The following SRSF4 variants were observed in gnomAD, a reference collection of about 807,000 sequenced individuals.
The protein encoded by SRSF4 is serine/arginine-rich splicing factor 4.
Under a neutral mutation model 48.8 loss-of-function variants are expected in SRSF4, and 12 were observed. The ratio of observed to expected loss-of-function variants is 0.25; its 90% CI spans 0.16 to 0.40. The LOEUF is 0.40. Among genes scored for constraint, SRSF4 ranks in the 10% least tolerant of loss-of-function variants. The probability of loss-of-function intolerance (pLI) is 1.00; values close to 1 mark genes in which losing one functional copy is unlikely to be tolerated. For synonymous variants in SRSF4, 248 were observed against 232.5 expected (o/e 1.07, Z -0.61); for missense variants, 466 against 667.1 (o/e 0.70, Z 3.32).
chr1:29,181,775 G>A lies in SRSF4; in HGVS notation c.-23C>T. 1 of 1,551,404 alleles carries A rather than the reference G, an allele frequency of 6.4e-7. No homozygotes were observed. The highest frequency in any genetic ancestry group is 2.6e-5 in the East Asian group (1 of 38,198). ...CATCCCGGCAACGGCAGTGATGGCT[G>A]GCCCCGGCCCCAGCCCCCCTTAGGC... On this transcript the variant is annotated 5_prime_UTR_variant, in exon 1 of 6. Transcript: ENST00000373795.
chr1:29,150,184 G>T lies in SRSF4; in HGVS notation c.587C>A (p.Ser196Tyr), dbSNP rs765133104. ...SRSRSHSRSR[S>Y]RSRHSRKSRS... The stretch of plus-strand genomic sequence containing the variant: ...GCTCTTACGGGAATGTCTGCTTCGA[G>T]AGCGAGACCTAGGGGGAGAAAATAT... Residue 196 changes from serine to tyrosine, a missense_variant, in exon 5 of 6, where the codon TCT (serine) becomes TAT (tyrosine). This residue lies in a region of SRSF4 where 402 missense variants were observed against 437.0 expected (regional missense o/e 0.92). Transcript: ENST00000373795. The T allele has an allele frequency of 6.2e-7, 1 of 1,613,850 alleles. No homozygotes were observed. Among genetic ancestry groups the T allele is most frequent in the South Asian group, 1.1e-5 (1 of 91,074 alleles).
chr1:29,177,515 T>C (rs1435849079), intron 1 of SRSF4, among the ~76,000 whole-genome samples: 1 of 152,086 alleles, frequency 6.6e-6, no homozygotes, highest in Non-Finnish European at 1.5e-5. Context: ...CTTATGACCT[T>C]GGGTGATCTG....
rs549906339 is a variant in SRSF4 at position 29,177,889 on chromosome 1, C to T, written c.107+3757G>A. 8.2e-4 allele frequency among the ~76,000 whole-genome samples: 115 copies of T among 140,240 alleles called. 1 individual carries two copies. Among genetic ancestry groups the T allele is most frequent in the Non-Finnish European group, 1.2e-4 (8 of 65,022 alleles). The allele number at this position is 140,240 out of a possible 152,430, so 92.0% of individuals were successfully genotyped here. ...CTTATTTGGTCATCTTCCTATTACACAAGATTTTTTTTTTTTTTTTTTTTT... is the reference window on the plus strand; with the variant it reads ...CTTATTTGGTCATCTTCCTATTACATAAGATTTTTTTTTTTTTTTTTTTTT... On this transcript the variant is annotated intron_variant, in intron 1 of 5. Transcript: ENST00000373795.
At chr1:29,178,447 C>A (rs1339571016) in intron 1 of SRSF4, among the ~76,000 whole-genome samples, 2 of 151,454 alleles carry the variant, frequency 1.3e-5, no homozygotes, top group African/African-American at 4.9e-5. Context: ...AGGTTCACGC[C>A]ATTCTCCTGC....
chr1:29,171,739 A>G (rs1672747403), intron 1 of SRSF4: 1 of 152,176 alleles, frequency 6.6e-6, no homozygotes, highest in Non-Finnish European at 1.5e-5. Context: ...GCATAAAAAA[A>G]TACTAGAAAC....
chr1:29,161,159 T>C (rs1475175907), intron 1 of SRSF4, among the ~76,000 whole-genome samples: 2 of 152,208 alleles, frequency 1.3e-5, no homozygotes, highest in African/African-American at 2.4e-5. Context: ...TTAAATGGTA[T>C]TGCTACATCT....
At chr1:29,159,282 AT>A in intron 3 of SRSF4, 91 bp downstream of exon 3, 1 of 784,068 alleles carries the variant, frequency 1.3e-6, no homozygotes. Context: ...ATAACACTGT[AT>A]TTTGTGTATG....
At chr1:29,165,558 T>C (rs779675855) in intron 1 of SRSF4, among the ~76,000 whole-genome samples, 25 of 152,240 alleles carry the variant, frequency 1.6e-4, no homozygotes, top group Admixed American at 3.3e-4. Context: ...TATGTTCTAC[T>C]GAATAGGATT....
chr1:29,173,862 T>A (rs972087338), intron 1 of SRSF4, among the ~76,000 whole-genome samples: 1 of 151,780 alleles, frequency 6.6e-6, no homozygotes, highest in Non-Finnish European at 1.5e-5. Context: ...AAAATTAGTT[T>A]AAAAAATTAT....
chr1:29,179,998 A>C (rs1672930147), intron 1 of SRSF4, among the ~76,000 whole-genome samples: 1 of 152,244 alleles, frequency 6.6e-6, no homozygotes, highest in South Asian at 2.1e-4. Context: ...GCTTTATGTT[A>C]TCAAACACCA....
intron 3 of SRSF4, among the ~76,000 whole-genome samples, chr1:29,158,772 C>CT (rs1231520395): frequency 6.6e-6 from 1 of 152,156 alleles, no homozygotes; most frequent in Non-Finnish European, 1.5e-5. Context: ...GACAACCAAT[C>CT]TCTGAGCCAT....
chr1:29,169,675 A>T (rs983488910), intron 1 of SRSF4: 2 of 152,254 alleles, frequency 1.3e-5, no homozygotes, highest in Non-Finnish European at 2.9e-5. Flanking sequence ...CTTTCTCATA[A>T]AGTAAACCAA....
intron 1 of SRSF4, among the ~76,000 whole-genome samples, chr1:29,167,941 T>TTC (rs1320502307): frequency 3.3e-5 from 5 of 151,496 alleles, no homozygotes; most frequent in African/African-American, 1.2e-4. Context: ...AGCTCATGAG[T>TTC]GAAGGAGCTA....
At chr1:29,170,896 G>A (rs1400785688) in intron 1 of SRSF4, 1 of 152,138 alleles carries the variant, frequency 6.6e-6, no homozygotes, top group Non-Finnish European at 1.5e-5. Flanking sequence ...GGGGACCTGG[G>A]AGAAATAAAG....
chr1:29,152,003 T>G (rs1412472174), intron 4 of SRSF4, among the ~76,000 whole-genome samples: 2 of 152,032 alleles, frequency 1.3e-5, no homozygotes, highest in Non-Finnish European at 2.9e-5. Flanking sequence ...TAGGGCAGGG[T>G]GCAGTGGCTC....
intron 4 of SRSF4, among the ~76,000 whole-genome samples, chr1:29,153,191 G>C (rs1672441718): frequency 6.6e-6 from 1 of 152,138 alleles, no homozygotes; most frequent in South Asian, 2.1e-4. Context: ...GAGTATAGTG[G>C]AGTGATCTCT....
At position 29,159,235 on chromosome 1, in the gene SRSF4, T is replaced by C. The variant is rs1574193843; in HGVS notation, c.363+139A>G. ...GATATATTTTGTACTCATATGGCAC[T>C]TTAATTATTTCCAGCTCTGTGCAGG... is the stretch of plus-strand genomic sequence containing the variant. On this transcript the variant is annotated intron_variant, in intron 3 of 5. Coordinates refer to ENST00000373795, the MANE Select transcript of SRSF4 (RefSeq NM_005626.5). 8.8e-6 allele frequency: 5 copies of C among 568,374 alleles called. No homozygotes were observed. In the East Asian group the frequency reaches 1.4e-4, roughly 16 times the overall value. 35.2% of individuals were successfully genotyped at this position (568,374 alleles called of 1,614,324 possible).
intron 1 of SRSF4, chr1:29,168,505 T>C (rs1672700689): frequency 1.3e-5 from 2 of 152,178 alleles, no homozygotes; most frequent in Admixed American, 6.5e-5. Flanking sequence ...AAATTGACCT[T>C]GGGGCAGGGT....
chr1:29,181,833 G>T lies in SRSF4; in HGVS notation c.-81C>A, dbSNP rs1046808328. ...GGCAAAGCGAGAGCACGGCGGCAGC[G>T]GCGGCGGCGGCAACGGGCGGGCGGC... On this transcript the variant is annotated 5_prime_UTR_variant, in exon 1 of 6. Coordinates refer to ENST00000373795, the MANE Select transcript of SRSF4 (RefSeq NM_005626.5). The T allele has an allele frequency of 2.3e-5, 27 of 1,162,304 alleles. No individual in the cohort carries two copies. Among genetic ancestry groups the T allele is most frequent in the Non-Finnish European group, 2.9e-5 (26 of 892,900 alleles). The allele number at this position is 1,162,304 out of a possible 1,614,324, so 72.0% of individuals were successfully genotyped here. A position where few individuals can be genotyped will look rare whatever the true frequency, so the allele number is the denominator to read the frequency against.
Sources: gnomAD v4.1 joint callset for allele counts (sites outside exome capture counted in the v4.1 genomes callset) on GRCh38, gnomAD v4.1.1 for gene constraint, gnomAD v4.1.1 regional missense constraint, MANE v1.5 for transcripts, NCBI Gene and HGNC (gene_info 2026-07-23, HGNC 2026-07-21) for gene names.